Variants in MUSK observed in about 807,000 individuals in gnomAD.
The protein encoded by MUSK is muscle associated receptor tyrosine kinase, also known as muscle, skeletal receptor tyrosine-protein kinase.
A neutral mutation model predicts 88.7 loss-of-function variants in MUSK; 55 were observed. The ratio of observed to expected loss-of-function variants is 0.62; its 90% CI spans 0.50 to 0.78. The LOEUF (loss-of-function observed/expected upper bound fraction) is 0.78, where lower values mean the gene tolerates loss of function less well. Among genes scored for constraint, MUSK ranks in the 30% least tolerant of loss-of-function variants. The pLI, the probability that MUSK is intolerant of heterozygous loss-of-function variation, is 0.00. For missense variants in MUSK, 1,015 were observed against 1,074.3 expected (o/e 0.94, Z 0.77); for synonymous variants, 387 against 391.9 (o/e 0.99, Z 0.15).
chr9:110,755,250 C>CCTAA (rs1270428359), intron 7 of MUSK, among the ~76,000 whole-genome samples: 1 of 152,076 alleles, frequency 6.6e-6, no homozygotes, highest in African/African-American at 2.4e-5. Context: ...GCCTTCTGTC[C>CCTAA]CTAAGCAAAG....
chr9:110,710,953 C>T (rs1019657527), intron 5 of MUSK, among the ~76,000 whole-genome samples: 2 of 152,068 alleles, frequency 1.3e-5, no homozygotes, highest in African/African-American at 2.4e-5. Context: ...TTTGTAGGGA[C>T]ATAGATGAAG....
intron 1 of MUSK, among the ~76,000 whole-genome samples, chr9:110,669,310 T>G (rs2075927710): frequency 6.6e-6 from 1 of 152,140 alleles, no homozygotes; most frequent in Non-Finnish European, 1.5e-5. Context: ...TTCAGGGTGG[T>G]CTAAGTGGAT....
At chr9:110,689,728 A>AAATAT (rs1564217925) in intron 3 of MUSK, among the ~76,000 whole-genome samples, 3 of 77,332 alleles carry the variant, frequency 3.9e-5, no homozygotes, top group Non-Finnish European at 6.4e-5. Flanking sequence ...TGTTATATAT[A>AAATAT]GTTTATATAT....
intron 5 of MUSK, among the ~76,000 whole-genome samples, chr9:110,717,035 A>G (rs1287464985): frequency 6.7e-6 from 1 of 149,930 alleles, no homozygotes; most frequent in Non-Finnish European, 1.5e-5. Flanking sequence ...TGTAAGCAGA[A>G]TATAGATAAA....
intron 7 of MUSK, among the ~76,000 whole-genome samples, chr9:110,760,664 A>T (rs2077385289): frequency 6.6e-6 from 1 of 152,104 alleles, no homozygotes; most frequent in South Asian, 2.1e-4. Flanking sequence ...TATACACCAA[A>T]CTCGCAAGTC....
intron 9 of MUSK, among the ~76,000 whole-genome samples, chr9:110,769,219 C>T (rs1324704332): frequency 6.6e-6 from 1 of 152,138 alleles, no homozygotes. Context: ...TTTGATAAAA[C>T]CAGAAACTAT....
At chr9:110,711,956 G>A (rs1013272254) in intron 5 of MUSK, among the ~76,000 whole-genome samples, 8 of 152,076 alleles carry the variant, frequency 5.3e-5, no homozygotes, top group Admixed American at 1.3e-4. Context: ...ATGCTAAATC[G>A]TTCTCCTCCA....
chr9:110,800,518 G>C lies in MUSK; in HGVS notation c.2140G>C (p.Ala714Pro), dbSNP rs1377981904. ...TGCCAGGCAGGTGGCAGCTGGCATG[G>C]CTTACCTCTCAGAACGTAAGTTTGT... The part of the protein sequence containing the change: ...CIARQVAAGM[A>P]YLSERKFVHR... Residue 714 changes from alanine (A) to proline (P), a missense_variant, in exon 15 of 15, where the codon GCT becomes CCT. Coordinates refer to ENST00000374448, the MANE Select transcript of MUSK (RefSeq NM_005592.4). 23 of 1,613,814 alleles carry C rather than the reference G, an allele frequency of 1.4e-5. No homozygotes were observed. The highest frequency in any genetic ancestry group is 1.9e-5 in the Non-Finnish European group (23 of 1,179,876).
chr9:110,720,050 T>C (rs1214776735), intron 5 of MUSK, among the ~76,000 whole-genome samples: 1 of 151,866 alleles, frequency 6.6e-6, no homozygotes, highest in Non-Finnish European at 1.5e-5. Context: ...TGAACGATAA[T>C]AGTAACAAAT....
At chr9:110,728,161 GC>G (rs1564248845) in intron 5 of MUSK, 2 of 152,670 alleles carry the variant, frequency 1.3e-5, no homozygotes, top group African/African-American at 4.8e-5. Flanking sequence ...GTGCAGAGTT[GC>G]AGATCTCTGT....
intron 5 of MUSK, among the ~76,000 whole-genome samples, chr9:110,720,724 C>G (rs1481407202): frequency 3.3e-5 from 5 of 152,084 alleles, no homozygotes; most frequent in African/African-American, 1.2e-4. Flanking sequence ...AAGAGGGAAT[C>G]CTCCCTAAAT....
intron 5 of MUSK, among the ~76,000 whole-genome samples, chr9:110,730,231 A>T (rs537082419): frequency 6.6e-6 from 1 of 152,130 alleles, no homozygotes; most frequent in East Asian, 1.9e-4. Context: ...CATGTTGCAG[A>T]TGCACTTGCT....
chr9:110,695,415 C>T lies in MUSK; in HGVS notation c.371C>T (p.Thr124Ile), dbSNP rs1473676752. Reference protein sequence around the residue: ...ALQVKMKPKITRPPINVKIIE... With the variant: ...ALQVKMKPKIIRPPINVKIIE... ...CATTTCTTTTTAGAACCTAAAATAA[C>T]TCGTCCTCCCATAAATGTGAAAATA... The change falls in exon 4 of 15, where the codon ACT becomes ATT. Residue 124 changes from threonine (T) to isoleucine (I), a missense_variant. Thr to Ile is a moderately conservative substitution (Grantham distance 89). Transcript: ENST00000374448. The T allele has an allele frequency of 1.3e-6, 2 of 1,512,930 alleles. No individual in the cohort carries two copies. The highest frequency in any genetic ancestry group is 1.8e-6 in the Non-Finnish European group (2 of 1,116,844). The allele number at this position is 1,512,930 out of a possible 1,614,324, so 93.7% of individuals were successfully genotyped here.
intron 5 of MUSK, among the ~76,000 whole-genome samples, chr9:110,714,302 C>T (rs2076716643): frequency 6.6e-6 from 1 of 152,168 alleles, no homozygotes; most frequent in Non-Finnish European, 1.5e-5. Flanking sequence ...TGCTCGTACC[C>T]ACTATTCACC....
Position 110,681,072 on chromosome 9 carries a change from T to A in MUSK, c.80-1602T>A, listed in dbSNP as rs373851996. Among the ~76,000 whole-genome samples the A allele has an allele frequency of 7.7e-3, 195 of 25,426 alleles. 52 individuals are homozygous for A. The highest frequency in any genetic ancestry group is 0.059 in the African/African-American group (180 of 3,026). The allele number at this position is 25,426 out of a possible 152,430, so 16.7% of individuals were successfully genotyped here. A position where few individuals can be genotyped will look rare whatever the true frequency, so the allele number is the denominator to read the frequency against. On this transcript the variant is annotated intron_variant, in intron 1 of 14. Transcript: ENST00000374448. ...ATATTATATATTATATATATAATAT[T>A]ATATATATTATATAATATATATTAT...
At chr9:110,685,029 C>T (rs528783441) in intron 2 of MUSK, among the ~76,000 whole-genome samples, 2 of 152,186 alleles carry the variant, frequency 1.3e-5, no homozygotes, top group African/African-American at 2.4e-5. Flanking sequence ...CAGTGAGCAT[C>T]CTTGTTGCAT....
chr9:110,688,356 T>C (rs746142416), intron 3 of MUSK, among the ~76,000 whole-genome samples: 21 of 152,014 alleles, frequency 1.4e-4, no homozygotes, highest in Non-Finnish European at 2.6e-4. Context: ...ATGTTTGTCT[T>C]TTTTTTTCAA....
In MUSK at chr9:110,681,100, A is replaced by ATAATATATATTATATTATATATATT. The variant is rs1202157671; in HGVS notation, c.80-1574_80-1573insTAATATATATTATATTATATATATT. ...ATATATTATATAATATATATTATAT[A>ATAATATATATTATATTATATATATT]ATATATATTATATATAATATATATT... is the stretch of plus-strand genomic sequence containing the variant. On this transcript the variant is annotated intron_variant, in intron 1 of 14. Transcript: ENST00000374448. Among the ~76,000 whole-genome samples the ATAATATATATTATATTATATATATT allele has an allele frequency of 2.5e-3, 48 of 19,190 alleles. 2 individuals carry two copies. Among genetic ancestry groups the ATAATATATATTATATTATATATATT allele is most frequent in the Non-Finnish European group, 3.0e-3 (36 of 11,930 alleles). 12.6% of individuals were successfully genotyped at this position (19,190 alleles called of 152,430 possible).
chr9:110,686,568 T>C (rs565678175), intron 2 of MUSK, among the ~76,000 whole-genome samples: 3 of 152,296 alleles, frequency 2.0e-5, no homozygotes, highest in East Asian at 3.9e-4. Flanking sequence ...GTAATATATG[T>C]AAAGCATATA....
Sources: allele counts gnomAD v4.1 joint callset (sites outside exome capture counted in the v4.1 genomes callset), GRCh38; gene constraint gnomAD v4.1.1; transcripts MANE v1.5; gene names NCBI Gene and HGNC (gene_info 2026-07-23, HGNC 2026-07-21).